PCDH1: variants seen among roughly 807,000 people sequenced by gnomAD.
PCDH1 encodes protocadherin-1.
Under a neutral mutation model 74.6 loss-of-function variants are expected in PCDH1, and 23 were observed. That is an observed-to-expected ratio of 0.31 (90% CI 0.22 to 0.44). The LOEUF is 0.44. Among genes scored for constraint, PCDH1 ranks in the 20% least tolerant of loss-of-function variants. The pLI is 1.00. For synonymous variants in PCDH1, 647 were observed against 686.1 expected (o/e 0.94, Z 0.89); for missense variants, 1,214 against 1,641.4 (o/e 0.74, Z 4.50).
Position 141,853,113 on chromosome 5 carries a change from T to A in PCDH1, c.*929A>T, listed in dbSNP as rs944233956. On this transcript the variant is annotated 3_prime_UTR_variant, in exon 5 of 5. Coordinates refer to ENST00000287008, the MANE Select transcript of PCDH1 (RefSeq NM_032420.5). ...AGTTCCAAAAAAATAGAGATTTGTA[T>A]TTTTAAGAAAAATTAAATAAAAGCC... The A allele has an allele frequency of 6.6e-6, 1 of 152,218 alleles. No individual in the cohort carries two copies. Among genetic ancestry groups the A allele is most frequent in the Non-Finnish European group, 1.5e-5 (1 of 68,050 alleles). The allele number at this position is 152,218 out of a possible 1,614,324, so 9.4% of individuals were successfully genotyped here. A position where few individuals can be genotyped will look rare whatever the true frequency, so the allele number is the denominator to read the frequency against.
At chr5:141,860,657 A>G (rs1218858795) in intron 3 of PCDH1, among the ~76,000 whole-genome samples, 1 of 152,180 alleles carries the variant, frequency 6.6e-6, no homozygotes, top group Non-Finnish European at 1.5e-5. Flanking sequence ...AGGTAATAGG[A>G]GACCCGCCTG....
chr5:141,863,951 CCTT>C lies in PCDH1; in HGVS notation c.2377_2379del (p.Lys793del). The C allele has an allele frequency of 6.2e-7, 1 of 1,614,148 alleles. No individual in the cohort carries two copies. Among genetic ancestry groups the C allele is most frequent in the Non-Finnish European group, 8.5e-7 (1 of 1,180,030 alleles). ...CGTGGGGGCTTGCCGCGGTCACTGA[CCTT>C]CACCACCAGGCGGTGTAGCCCATGG... is the stretch of plus-strand genomic sequence containing the variant. On this transcript the variant is annotated inframe_deletion, in exon 3 of 5. Transcript: ENST00000287008. The surrounding 1 kb of genome is among the most constrained non-coding windows in gnomAD (Gnocchi z 7.5).
At chr5:141,856,320 G>T (rs1387177902) in intron 4 of PCDH1, 7 of 1,389,474 alleles carry the variant, frequency 5.0e-6, no homozygotes, top group Non-Finnish European at 6.9e-6. Flanking sequence ...GGGGCGGGGT[G>T]GGGGTGGAGG....
intron 4 of PCDH1, among the ~76,000 whole-genome samples, chr5:141,855,228 G>A (rs1305242993): frequency 6.6e-6 from 1 of 152,012 alleles, no homozygotes; most frequent in Admixed American, 6.5e-5. Flanking sequence ...GCCTGCCTCA[G>A]CCTCCCAGAG....
Position 141,854,164 on chromosome 5 carries a change from T to C in PCDH1, c.3592A>G (p.Ser1198Gly). ...LPSYSAFSHS[S>G]HDSCKDSATL... ...GCCGAGTCCTTGCAGGAATCATGGCTACTGTGGGAGAAGGCACTGTAGGAG... is the reference window on the plus strand; with the variant it reads ...GCCGAGTCCTTGCAGGAATCATGGCCACTGTGGGAGAAGGCACTGTAGGAG... The change falls in exon 5 of 5, where the codon AGC becomes GGC. Residue 1198 changes from serine (S) to glycine (G), a missense_variant. By Grantham distance (56) the Ser-to-Gly change is moderately conservative. Around this residue, in one of 4 missense-constraint regions of PCDH1, gnomAD observed 194 missense variants for 198.3 expected, o/e 0.98. Coordinates refer to ENST00000287008, the MANE Select transcript of PCDH1 (RefSeq NM_032420.5). 2 of 1,605,230 alleles carry C rather than the reference T, an allele frequency of 1.2e-6. No individual in the cohort carries two copies. Among genetic ancestry groups the C allele is most frequent in the Non-Finnish European group, 1.7e-6 (2 of 1,173,922 alleles).
rs1304238814 is a variant in PCDH1, at chr5:141,865,436, C to T, written c.904-9G>A. 4.4e-6 allele frequency: 7 copies of T among 1,606,526 alleles called. No individual in the cohort carries two copies. The highest frequency in any genetic ancestry group is 5.9e-6 in the Non-Finnish European group (7 of 1,176,490). ...GAGTCATTGGCCTTCACCTATAGGGCAGGAGAGAAAAACAAGGAGAACAGA... is the reference window on the plus strand; with the variant it reads ...GAGTCATTGGCCTTCACCTATAGGGTAGGAGAGAAAAACAAGGAGAACAGA... On this transcript the variant is annotated splice_polypyrimidine_tract_variant and intron_variant, in intron 2 of 4. Coordinates refer to ENST00000287008, the MANE Select transcript of PCDH1 (RefSeq NM_032420.5). The surrounding 1 kb of genome is among the most constrained non-coding windows in gnomAD (Gnocchi z 4.4).
chr5:141,863,586 C>A lies in PCDH1; in HGVS notation c.2745G>T (p.Lys915Asn), dbSNP rs1338723847. The change falls in exon 3 of 5, where the codon AAG becomes AAT. Residue 915 changes from lysine to asparagine, a missense_variant. Transcript: ENST00000287008. This position sits in a 1 kb window ranked among gnomAD's most constrained non-coding sequence, Gnocchi z 7.5. ...ASKGNKSKGK[K>N]SKSPKPVKPV... ...GCTTCACGGGCTTTGGGGACTTGCT[C>A]TTCTTGCCTTTGCTTTTGTTTCCCT... is the stretch of plus-strand genomic sequence containing the variant. 6.2e-7 allele frequency: 1 copy of A among 1,614,080 alleles called. No homozygotes were observed. Among genetic ancestry groups the A allele is most frequent in the Non-Finnish European group, 8.5e-7 (1 of 1,180,040 alleles).
chr5:141,863,779 C>T lies in PCDH1; in HGVS notation c.2552G>A (p.Gly851Asp). 2 of 1,614,194 alleles carry T rather than the reference C, an allele frequency of 1.2e-6. No homozygotes were observed. Among genetic ancestry groups the T allele is most frequent in the East Asian group, 2.2e-5 (1 of 44,888 alleles). Reference protein sequence around the residue: ...DPEYERSKQRGNILFGVVAGV... With the variant: ...DPEYERSKQRDNILFGVVAGV... ...AGCCACCACACCAAAGAGAATGTTG[C>T]CACGCTGCTTGGAGCGCTCATATTC... The change falls in exon 3 of 5, where the codon GGC (glycine) becomes GAC (aspartate). Residue 851 changes from glycine to aspartate, a missense_variant. Coordinates refer to ENST00000287008, the MANE Select transcript of PCDH1 (RefSeq NM_032420.5). The surrounding 1 kb of genome is among the most constrained non-coding windows in gnomAD (Gnocchi z 7.5).
At position 141,853,754 on chromosome 5, in the gene PCDH1, A is replaced by C. The variant is rs1239500728; in HGVS notation, c.*288T>G. On this transcript the variant is annotated 3_prime_UTR_variant, in exon 5 of 5. Coordinates refer to ENST00000287008, the MANE Select transcript of PCDH1 (RefSeq NM_032420.5). ...CCAAATCGAGGGGGTGCTCCCTGGA[A>C]GTCAAGGGAAGGAGCCCAGTCATTG... 6.0e-6 allele frequency: 2 copies of C among 332,120 alleles called. No individual in the cohort carries two copies. Among genetic ancestry groups the C allele is most frequent in the Non-Finnish European group, 1.1e-5 (2 of 182,382 alleles). The allele number at this position is 332,120 out of a possible 1,614,324, so 20.6% of individuals were successfully genotyped here.
rs765020059 is a variant in PCDH1 at position 141,864,761 on chromosome 5, C to T, written c.1570G>A (p.Val524Met). Residue 524 changes from valine to methionine, a missense_variant, in exon 3 of 5, where the codon GTG becomes ATG. Physicochemically the swap from Val to Met is conservative, Grantham distance 21. Coordinates refer to ENST00000287008, the MANE Select transcript of PCDH1 (RefSeq NM_032420.5). This position sits in a 1 kb window ranked among gnomAD's most constrained non-coding sequence, Gnocchi z 5.9. Reference sequence around the variant, plus strand: ...TCACTGGCAGTGATCTCAGCAATCACTTCACCAGGCTTGTTGTTTTCCGGG... The same window carrying T: ...TCACTGGCAGTGATCTCAGCAATCATTTCACCAGGCTTGTTGTTTTCCGGG... Reference protein sequence around the residue: ...AFPENNKPGEVIAEITASDAD... With the variant: ...AFPENNKPGEMIAEITASDAD... 3 of 1,614,034 alleles carry T rather than the reference C, an allele frequency of 1.9e-6. No homozygotes were observed. The East Asian group carries it at 6.7e-5, about 36-fold the overall frequency.
Position 141,854,260 on chromosome 5 carries a change from G to GCTCCTGCCCTC in PCDH1, c.3485_3495dup (p.Pro1166GlufsTer52). 6.2e-7 allele frequency: 1 copy of GCTCCTGCCCTC among 1,612,786 alleles called. No homozygotes were observed. On this transcript the variant is annotated frameshift_variant, in exon 5 of 5. Coordinates refer to ENST00000287008, the MANE Select transcript of PCDH1 (RefSeq NM_032420.5). LOFTEE classifies it high-confidence loss of function. ...GGGCTGGGGCTGCCGGCGCCCGCAG[G>GCTCCTGCCCTC]CTCCTGCCCTCCTCGGTCCTGGTAA...
intron 2 of PCDH1, among the ~76,000 whole-genome samples, chr5:141,867,089 A>G (rs535773084): frequency 1.3e-5 from 2 of 152,274 alleles, no homozygotes; most frequent in Admixed American, 6.5e-5. Context: ...CATCAACTTT[A>G]TGATGAGGAT....
chr5:141,863,128 G>A lies in PCDH1; in HGVS notation c.3099+104C>T. On this transcript the variant is annotated intron_variant, in intron 3 of 4. Coordinates refer to ENST00000287008, the MANE Select transcript of PCDH1 (RefSeq NM_032420.5). This position sits in a 1 kb window ranked among gnomAD's most constrained non-coding sequence, Gnocchi z 7.5. ...CTCAGGCTGGCCCCCAACACGGGCA[G>A]GCACAGTAAACCTGCTCCATCACTC... The A allele has an allele frequency of 6.9e-7, 1 of 1,439,774 alleles. No homozygotes were observed. The highest frequency in any genetic ancestry group is 2.0e-4 in the Middle Eastern group (1 of 5,058). The allele number at this position is 1,439,774 out of a possible 1,614,324, so 89.2% of individuals were successfully genotyped here.
chr5:141,875,612 C>T (rs1462168416), intron 1 of PCDH1, among the ~76,000 whole-genome samples: 1 of 152,102 alleles, frequency 6.6e-6, no homozygotes, highest in African/African-American at 2.4e-5. Context: ...AGCAGCAGCC[C>T]CTCTGCTAAG....
At chr5:141,862,578 G>T in intron 3 of PCDH1, 1 of 955,038 alleles carries the variant, frequency 1.0e-6, no homozygotes, top group Non-Finnish European at 1.2e-6. Context: ...AATTGAGGTA[G>T]GACCTGAGGA....
In PCDH1 at chr5:141,857,306, A is replaced by T; in HGVS notation, c.3265T>A (p.Tyr1089Asn). ...LGPLALPEDH[Y>N]ERTTPDGSIG... ...CTGCCATCAGGGGTGGTGCGCTCATAGTGATCCTCAGGCAGGGCCAGGGGA... is the reference window on the plus strand; with the variant it reads ...CTGCCATCAGGGGTGGTGCGCTCATTGTGATCCTCAGGCAGGGCCAGGGGA... Residue 1089 changes from tyrosine to asparagine, a missense_variant, in exon 4 of 5, where the codon TAT becomes AAT. Transcript: ENST00000287008. The T allele has an allele frequency of 6.2e-7, 1 of 1,612,858 alleles. No individual in the cohort carries two copies. The highest frequency in any genetic ancestry group is 8.5e-7 in the Non-Finnish European group (1 of 1,179,664).
At chr5:141,876,189 C>T in intron 1 of PCDH1, among the ~76,000 whole-genome samples, 1 of 152,176 alleles carries the variant, frequency 6.6e-6, no homozygotes, top group East Asian at 1.9e-4. Context: ...GGCGGCCCCA[C>T]CCCCACCCCG....
At chr5:141,866,255 G>A (rs1027176275) in intron 2 of PCDH1, 10 of 985,096 alleles carry the variant, frequency 1.0e-5, no homozygotes, top group African/African-American at 1.7e-5. Context: ...CGAGGAATCC[G>A]GCCTGAGCCT....
At chr5:141,860,337 C>A (rs1235372089) in intron 3 of PCDH1, among the ~76,000 whole-genome samples, 1 of 151,810 alleles carries the variant, frequency 6.6e-6, no homozygotes, top group African/African-American at 2.4e-5. Context: ...CATGGCAAAA[C>A]CCTGTCTCTA....
Sources: allele counts gnomAD v4.1 joint callset (sites outside exome capture counted in the v4.1 genomes callset), GRCh38; gene constraint gnomAD v4.1.1; regional missense constraint gnomAD v4.1.1; non-coding constraint Gnocchi (gnomAD v3.1); transcripts MANE v1.5; gene names NCBI Gene and HGNC (gene_info 2026-07-23, HGNC 2026-07-21).